BRINP3: variants seen among roughly 807,000 people sequenced by gnomAD.
BRINP3 encodes BMP/retinoic acid-inducible neural-specific protein 3.
BRINP3 carries 19 observed loss-of-function variants against 71.0 expected under a neutral mutation model. The ratio of observed to expected loss-of-function variants is 0.27; its 90% CI spans 0.19 to 0.39. The LOEUF (loss-of-function observed/expected upper bound fraction) is 0.39. Ranked by LOEUF, BRINP3 falls within the 10% of genes least tolerant of loss-of-function variation. The pLI is 1.00. For synonymous variants in BRINP3, 380 were observed against 337.7 expected, an observed-to-expected ratio of 1.13 and a Z score of -1.37; for missense variants, 959 against 940.8, an observed-to-expected ratio of 1.02 and a Z score of -0.25.
chr1:190,472,446 A>G (rs1677198415), intron 1 of BRINP3, among the ~76,000 whole-genome samples: 1 of 151,774 alleles, frequency 6.6e-6, no homozygotes, highest in Non-Finnish European at 1.5e-5. Flanking sequence ...TTTTTCAAGA[A>G]AAAATATTTT....
At chr1:190,135,074 T>G (rs992712299) in intron 7 of BRINP3, among the ~76,000 whole-genome samples, 1 of 152,162 alleles carries the variant, frequency 6.6e-6, no homozygotes, top group Admixed American at 6.6e-5. Context: ...GATAAGACTC[T>G]GACCTTTCTT....
chr1:190,123,923 G>A (rs1160689173), intron 7 of BRINP3, among the ~76,000 whole-genome samples: 1 of 152,046 alleles, frequency 6.6e-6, no homozygotes, highest in Non-Finnish European at 1.5e-5. Context: ...CTTTGCCCGA[G>A]TTCTTCCCTT....
At chr1:190,136,115 A>C (rs1483210730) in intron 7 of BRINP3, among the ~76,000 whole-genome samples, 6 of 152,122 alleles carry the variant, frequency 3.9e-5, no homozygotes, top group Admixed American at 3.9e-4. Flanking sequence ...TTAAAGATAA[A>C]AAAATATTTC....
intron 6 of BRINP3, among the ~76,000 whole-genome samples, chr1:190,162,350 T>A (rs1379462416): frequency 6.6e-6 from 1 of 151,948 alleles, no homozygotes; most frequent in Non-Finnish European, 1.5e-5. Context: ...GCCCAGCTAC[T>A]TTTTTGTAAT....
intron 1 of BRINP3, among the ~76,000 whole-genome samples, chr1:190,470,739 A>G (rs899344969): frequency 2.0e-5 from 3 of 151,182 alleles, no homozygotes; most frequent in Non-Finnish European, 4.5e-5. Flanking sequence ...ATGGTTGAAT[A>G]TAAACATTTC....
chr1:190,226,233 C>T lies in BRINP3; in HGVS notation c.810G>A (p.Glu270=). ...AGCAGTCATTTTCCTTGCAGATAAA[C>T]TCTCCCTCTGAATTGCAAGCAATGT... ...LSYIACNSEG[E]FICKENDCWC... Residue 270 remains glutamate, a synonymous_variant, in exon 6 of 8, where the codon GAG becomes GAA. Coordinates refer to ENST00000367462, the MANE Select transcript of BRINP3 (RefSeq NM_199051.3). 3.1e-6 allele frequency: 5 copies of T among 1,612,474 alleles called. No homozygotes were observed. In the South Asian group the frequency reaches 4.4e-5, roughly 14 times the overall value.
At chr1:190,237,285 T>C (rs1178489900) in intron 4 of BRINP3, among the ~76,000 whole-genome samples, 1 of 151,858 alleles carries the variant, frequency 6.6e-6, no homozygotes. Flanking sequence ...TCACACATTA[T>C]ATGAAATAAA....
chr1:190,431,050 T>C (rs1294608381), intron 2 of BRINP3, among the ~76,000 whole-genome samples: 1 of 151,996 alleles, frequency 6.6e-6, no homozygotes. Context: ...TCTCAGGAAA[T>C]AGGTAATTTA....
At chr1:190,279,792 C>T (rs1485177168) in intron 3 of BRINP3, among the ~76,000 whole-genome samples, 1 of 151,832 alleles carries the variant, frequency 6.6e-6, no homozygotes, top group Non-Finnish European at 1.5e-5. Flanking sequence ...GAATTTGACC[C>T]AGTTGGCTCT....
intron 2 of BRINP3, among the ~76,000 whole-genome samples, chr1:190,296,709 T>C (rs1333868021): frequency 6.6e-6 from 1 of 152,070 alleles, no homozygotes; most frequent in Non-Finnish European, 1.5e-5. Context: ...AGTGAAGTTG[T>C]AGGATACAAA....
At chr1:190,311,027 G>A (rs1222226107) in intron 2 of BRINP3, among the ~76,000 whole-genome samples, 1 of 151,604 alleles carries the variant, frequency 6.6e-6, no homozygotes, top group Non-Finnish European at 1.5e-5. Context: ...CTAGAGCCAG[G>A]TTTGAAACCC....
chr1:190,211,433 G>A (rs1316190026), intron 6 of BRINP3, among the ~76,000 whole-genome samples: 1 of 152,042 alleles, frequency 6.6e-6, no homozygotes, highest in Non-Finnish European at 1.5e-5. Context: ...CAGTTACAAT[G>A]ACATTCTTAG....
intron 7 of BRINP3, among the ~76,000 whole-genome samples, chr1:190,132,812 T>C (rs1654651064): frequency 6.6e-6 from 1 of 152,260 alleles, no homozygotes; most frequent in South Asian, 2.1e-4. Context: ...AAAATGACTG[T>C]AACTTCTGAG....
At chr1:190,410,675 T>A (rs556502802) in intron 2 of BRINP3, among the ~76,000 whole-genome samples, 46 of 152,018 alleles carry the variant, frequency 3.0e-4, no homozygotes, top group Non-Finnish European at 5.4e-4. Context: ...GAAGAAAAAC[T>A]AATAAAATAT....
chr1:190,188,230 T>G (rs555048512), intron 6 of BRINP3, among the ~76,000 whole-genome samples: 1 of 152,314 alleles, frequency 6.6e-6, no homozygotes, highest in African/African-American at 2.4e-5. Context: ...ATCCTGCAAC[T>G]TAATCTTTTG....
intron 1 of BRINP3, among the ~76,000 whole-genome samples, chr1:190,460,566 T>C (rs1299633728): frequency 1.3e-5 from 2 of 152,162 alleles, no homozygotes; most frequent in Non-Finnish European, 2.9e-5. Flanking sequence ...AATTGCAATG[T>C]GCAAAATATC....
At chr1:190,122,965 T>G (rs1653798016) in intron 7 of BRINP3, among the ~76,000 whole-genome samples, 1 of 151,642 alleles carries the variant, frequency 6.6e-6, no homozygotes, top group African/African-American at 2.4e-5. Flanking sequence ...TGGGATCACT[T>G]TTGAATTATC....
chr1:190,412,410 TA>T (rs1672732162), intron 2 of BRINP3, among the ~76,000 whole-genome samples: 1 of 141,600 alleles, frequency 7.1e-6, no homozygotes, highest in Non-Finnish European at 1.6e-5. Context: ...TATATATATA[TA>T]TATACACTTT....
chr1:190,128,100 C>A (rs1654236394), intron 7 of BRINP3, among the ~76,000 whole-genome samples: 1 of 151,598 alleles, frequency 6.6e-6, no homozygotes, highest in Non-Finnish European at 1.5e-5. Context: ...ACAAAGATCC[C>A]CAGTAGTCAG....
Sources: gnomAD v4.1 joint callset for allele counts (sites outside exome capture counted in the v4.1 genomes callset) on GRCh38, gnomAD v4.1.1 for gene constraint, MANE v1.5 for transcripts, NCBI Gene and HGNC (gene_info 2026-07-23, HGNC 2026-07-21) for gene names.